CECR2: variants seen among roughly 807,000 people sequenced by gnomAD.
CECR2 encodes the protein CECR2 histone acetyl-lysine reader, also known as chromatin remodeling regulator CECR2.
Under a neutral mutation model 154.5 loss-of-function variants are expected in CECR2, and 30 were observed. That is an observed-to-expected ratio of 0.19 (90% CI 0.15 to 0.26). CECR2 has a LOEUF of 0.26. CECR2 is among the 10% of genes least tolerant of loss of function. The pLI is 1.00. For missense variants in CECR2, 1,743 were observed against 1,829.3 expected, an observed-to-expected ratio of 0.95 and a Z score of 0.86; for synonymous variants, 725 against 683.7, an observed-to-expected ratio of 1.06 and a Z score of -0.94.
rs2056504056 is a variant in CECR2 at position 17,540,433 on chromosome 22, A to G, written c.1517A>G (p.Asn506Ser). Reference sequence around the variant, plus strand: ...ATAGAGTATACCAAGATGTCTGATAATTTAGAGAGGTGTTTCCATCGGGCA... The same window carrying G: ...ATAGAGTATACCAAGATGTCTGATAGTTTAGAGAGGTGTTTCCATCGGGCA... Reference protein sequence around the residue: ...ESSEYTKMSDNLERCFHRAMM... With the variant: ...ESSEYTKMSDSLERCFHRAMM... The change falls in exon 14 of 19, where the codon AAT becomes AGT. Residue 506 changes from asparagine (N) to serine (S), a missense_variant. By Grantham distance (46) the Asn-to-Ser change is conservative. Around this residue, in one of 4 missense-constraint regions of CECR2, gnomAD observed 103 missense variants for 166.8 expected, o/e 0.62. Coordinates refer to ENST00000262608, the MANE Select transcript of CECR2 (RefSeq NM_001290047.2). 1 of 1,557,414 alleles carries G rather than the reference A, an allele frequency of 6.4e-7. No homozygotes were observed. Among genetic ancestry groups the G allele is most frequent in the African/African-American group, 1.4e-5 (1 of 73,144 alleles).
At chr22:17,469,890 A>G (rs2055096233) in intron 1 of CECR2, among the ~76,000 whole-genome samples, 2 of 152,144 alleles carry the variant, frequency 1.3e-5, no homozygotes, top group Admixed American at 1.3e-4. Context: ...ATCACATTGC[A>G]TGGAAAAGGT....
intron 18 of CECR2, 75 bp downstream of exon 18, chr22:17,552,217 TTC>T: frequency 7.4e-7 from 1 of 1,353,900 alleles, no homozygotes; most frequent in East Asian, 2.3e-5. Flanking sequence ...AACCTTGCTG[TTC>T]TGAAAAAATG....
At chr22:17,542,060 C>A (rs2056532409) in intron 15 of CECR2, 93 bp downstream of exon 15, 1 of 1,566,424 alleles carries the variant, frequency 6.4e-7, no homozygotes, top group Non-Finnish European at 8.7e-7. Flanking sequence ...TTGTTCATTG[C>A]GTCCTTTCCC....
In CECR2 at chr22:17,442,188, C is replaced by T. The variant is rs193165000; in HGVS notation, c.127-35400C>T. On this transcript the variant is annotated intron_variant, in intron 1 of 18. Transcript: ENST00000262608. ...AGAGCATGTCATACTAGAAGAGTTC[C>T]GTGTGAAATTCAGAATTTGGTCCCC... Among the ~76,000 whole-genome samples the T allele has an allele frequency of 3.9e-5, 6 of 152,226 alleles. No individual in the cohort carries two copies. The East Asian group carries it at 7.7e-4, about 20-fold the overall frequency.
intron 7 of CECR2, among the ~76,000 whole-genome samples, chr22:17,506,681 A>T (rs564569568): frequency 3.3e-5 from 5 of 151,662 alleles, no homozygotes; most frequent in South Asian, 2.1e-4. Flanking sequence ...TGAGACAGAG[A>T]CTCGCTCTGT....
Position 17,539,151 on chromosome 22 carries a change from T to C in CECR2, c.1495+32T>C, listed in dbSNP as rs765340117. ...AGGGAAGGAGTTTGTGCTAGATACA[T>C]ATCTGTAATCAAGAATAAAATGCCT... On this transcript the variant is annotated intron_variant, in intron 13 of 18. Coordinates refer to ENST00000262608, the MANE Select transcript of CECR2 (RefSeq NM_001290047.2). 2.1e-5 allele frequency: 34 copies of C among 1,607,114 alleles called. 1 individual carries two copies. In the South Asian group the frequency reaches 3.6e-4, roughly 17 times the overall value.
intron 8 of CECR2, among the ~76,000 whole-genome samples, chr22:17,512,098 A>G (rs1246788638): frequency 1.3e-5 from 2 of 152,150 alleles, no homozygotes; most frequent in East Asian, 1.9e-4. Context: ...GGTTCTGACA[A>G]TCTCCTGGGA....
intron 9 of CECR2, among the ~76,000 whole-genome samples, chr22:17,525,167 G>C (rs2056237333): frequency 6.7e-6 from 1 of 149,668 alleles, no homozygotes; most frequent in Non-Finnish European, 1.5e-5. Context: ...TGCCTGTAAT[G>C]CCAGCTACTC....
chr22:17,407,156 A>T (rs2053996736), intron 1 of CECR2, among the ~76,000 whole-genome samples: 2 of 152,230 alleles, frequency 1.3e-5, no homozygotes, highest in Non-Finnish European at 2.9e-5. Context: ...AACTCTTTTC[A>T]TAGCCACTTA....
At chr22:17,366,014 A>G (rs1297076392), upstream of CECR2, among the ~76,000 whole-genome samples, 3 of 152,172 alleles carry the variant, frequency 2.0e-5, no homozygotes, top group Non-Finnish European at 4.4e-5. Context: ...CAAACGAATT[A>G]TTGTGGGATT....
intron 1 of CECR2, among the ~76,000 whole-genome samples, chr22:17,411,201 T>C (rs1231733149): frequency 6.6e-6 from 1 of 152,240 alleles, no homozygotes; most frequent in Non-Finnish European, 1.5e-5. Flanking sequence ...GAGAGAGTCA[T>C]GTGAAGGCAT....
chr22:17,366,884 G>C (rs1299315595), upstream of CECR2, among the ~76,000 whole-genome samples: 1 of 152,182 alleles, frequency 6.6e-6, no homozygotes, highest in African/African-American at 2.4e-5. Flanking sequence ...CCGTTCCAGA[G>C]GGTAGTTGAG....
chr22:17,540,041 A>G (rs1009475253), intron 13 of CECR2, among the ~76,000 whole-genome samples: 2 of 152,158 alleles, frequency 1.3e-5, no homozygotes, highest in Non-Finnish European at 2.9e-5. Context: ...TTTCTTGCCC[A>G]GTCCAGTCTT....
chr22:17,412,406 C>G (rs558836270), intron 1 of CECR2, among the ~76,000 whole-genome samples: 1 of 152,258 alleles, frequency 6.6e-6, no homozygotes, highest in South Asian at 2.1e-4. Flanking sequence ...CCGCCCCACC[C>G]CCACACTCTT....
At chr22:17,446,489 G>A (rs555443452) in intron 1 of CECR2, among the ~76,000 whole-genome samples, 4 of 152,266 alleles carry the variant, frequency 2.6e-5, no homozygotes, top group East Asian at 1.9e-4. Context: ...AGGCCGAGGC[G>A]GGCGGATCAC....
intron 1 of CECR2, among the ~76,000 whole-genome samples, chr22:17,395,019 A>C (rs1348326871): frequency 1.3e-5 from 2 of 152,164 alleles, no homozygotes; most frequent in African/African-American, 4.8e-5. Flanking sequence ...AGTTTTGGAA[A>C]ATGCATGGAT....
chr22:17,484,658 T>G (rs905271013), intron 2 of CECR2, among the ~76,000 whole-genome samples: 1 of 152,170 alleles, frequency 6.6e-6, no homozygotes, highest in African/African-American at 2.4e-5. Flanking sequence ...CCCAGCACTT[T>G]GGGAGGCCAA....
chr22:17,408,969 T>G (rs563101981), intron 1 of CECR2, among the ~76,000 whole-genome samples: 7 of 152,222 alleles, frequency 4.6e-5, no homozygotes, highest in Non-Finnish European at 1.0e-4. Flanking sequence ...CAGCTTTCTT[T>G]TCTTTTCATA....
chr22:17,405,429 G>T (rs1018224287), intron 1 of CECR2, among the ~76,000 whole-genome samples: 1 of 147,248 alleles, frequency 6.8e-6, no homozygotes, highest in Non-Finnish European at 1.5e-5. Flanking sequence ...AATAAGATAA[G>T]ATAAGATAAA....
Sources: gnomAD v4.1 joint callset for allele counts (sites outside exome capture counted in the v4.1 genomes callset) on GRCh38, gnomAD v4.1.1 for gene constraint, gnomAD v4.1.1 regional missense constraint, MANE v1.5 for transcripts, NCBI Gene and HGNC (gene_info 2026-07-23, HGNC 2026-07-21) for gene names.